The following IL1RAPL1 variants were observed in gnomAD, a reference collection of about 807,000 sequenced individuals.
IL1RAPL1 encodes interleukin-1 receptor accessory protein-like 1.
A neutral mutation model predicts 48.4 loss-of-function variants in IL1RAPL1; 3 were observed. The observed-to-expected ratio is 0.06, with a 90% confidence interval of 0.03 to 0.16. IL1RAPL1 has a LOEUF of 0.16. IL1RAPL1 is among the 10% of genes least tolerant of loss of function. The pLI is 1.00. For synonymous variants in IL1RAPL1, 185 were observed against 187.7 expected (o/e 0.99, Z 0.12); for missense variants, 349 against 530.6 (o/e 0.66, Z 3.36).
At chrX:29,081,749 A>C (rs1927849000) in intron 2 of IL1RAPL1, among the ~76,000 whole-genome samples, 1 of 110,766 alleles carries the variant, frequency 9.0e-6, no homozygotes, top group Admixed American at 9.8e-5. Flanking sequence ...TGAAAATATT[A>C]TTGCTCTGGT....
At chrX:28,838,751 T>C (rs1307537579) in intron 2 of IL1RAPL1, among the ~76,000 whole-genome samples, 1 of 110,909 alleles carries the variant, frequency 9.0e-6, no homozygotes, top group Non-Finnish European at 1.9e-5. Flanking sequence ...CTAAATAGTA[T>C]CTGCTGTTAT....
intron 2 of IL1RAPL1, among the ~76,000 whole-genome samples, chrX:29,133,434 T>C (rs749312598): frequency 1.8e-5 from 2 of 111,811 alleles, no homozygotes; most frequent in African/African-American, 6.5e-5. Context: ...GGTCTTAAAC[T>C]ATCAGCCTGG....
chrX:29,544,973 C>G (rs151317888), intron 5 of IL1RAPL1, among the ~76,000 whole-genome samples: 1 of 110,122 alleles, frequency 9.1e-6, no homozygotes, highest in East Asian at 2.9e-4. Flanking sequence ...GAGGAAGCAC[C>G]AGGAGGAGGC....
chrX:29,906,354 A>AAC lies in IL1RAPL1; in HGVS notation c.779-11109_779-11108insCA, dbSNP rs201803964. 6.5e-3 allele frequency among the ~76,000 whole-genome samples: 458 copies of AAC among 70,857 alleles called. 10 individuals are homozygous for AAC. Among genetic ancestry groups the AAC allele is most frequent in the African/African-American group, 0.026 (440 of 16,999 alleles). 61.5% of individuals were successfully genotyped at this position (70,857 alleles called of 115,157 possible). On this transcript the variant is annotated intron_variant, in intron 6 of 10. Transcript: ENST00000378993. ...TGTCTCAAAAAAACAAACAAACAACAAAAAAAAAAACATAAAAAAGCAGGA... is the reference window on the plus strand; with the variant it reads ...TGTCTCAAAAAAACAAACAAACAACAACAAAAAAAAAACATAAAAAAGCAGGA...
chrX:29,866,572 C>T (rs569217273), intron 6 of IL1RAPL1, among the ~76,000 whole-genome samples: 1 of 108,590 alleles, frequency 9.2e-6, no homozygotes, highest in African/African-American at 3.4e-5. Context: ...AAATATTTGA[C>T]GTGGTGTTAG....
At chrX:29,841,749 G>A (rs764971989) in intron 6 of IL1RAPL1, among the ~76,000 whole-genome samples, 16 of 111,692 alleles carry the variant, frequency 1.4e-4, no homozygotes, top group Non-Finnish European at 2.3e-4. Flanking sequence ...AGGAGGAATG[G>A]AAGTGGCTTC....
chrX:29,080,936 C>T (rs867182354), intron 2 of IL1RAPL1, among the ~76,000 whole-genome samples: 1 of 29,888 alleles, frequency 3.3e-5, no homozygotes, highest in Admixed American at 4.7e-4. Flanking sequence ...TTCTTTCTTT[C>T]TTTCTTTCTT....
chrX:28,592,049 A>G (rs967963567), intron 1 of IL1RAPL1, among the ~76,000 whole-genome samples: 7 of 111,743 alleles, frequency 6.3e-5, no homozygotes, highest in African/African-American at 2.3e-4. Flanking sequence ...AGTTAGCTGT[A>G]CATAATACTG....
At chrX:29,791,463 G>A (rs1267763320) in intron 6 of IL1RAPL1, among the ~76,000 whole-genome samples, 1 of 97,118 alleles carries the variant, frequency 1.0e-5, no homozygotes, top group Admixed American at 1.1e-4. Context: ...TGCTCTTGTT[G>A]CCCAGGCTGG....
intron 1 of IL1RAPL1, among the ~76,000 whole-genome samples, chrX:28,640,085 G>C (rs1934514952): frequency 9.0e-6 from 1 of 111,565 alleles, no homozygotes; most frequent in Admixed American, 9.5e-5. Flanking sequence ...ACATATAGTG[G>C]CCATCATAGC....
Position 28,717,634 on chromosome X carries a change from C to T in IL1RAPL1, c.-24-71686C>T, listed in dbSNP as rs1935519683. On this transcript the variant is annotated intron_variant, in intron 1 of 10. Transcript: ENST00000378993. The stretch of plus-strand genomic sequence containing the variant: ...CCTATGTTACAAAGCTACACATGTA[C>T]TCCTGAACTTAAAATAAAAGAATAA... Among the ~76,000 whole-genome samples, 3 of 111,546 alleles carry T rather than the reference C, an allele frequency of 2.7e-5. No individual in the cohort carries two copies. In the South Asian group the frequency reaches 1.1e-3, roughly 42 times the overall value.
intron 6 of IL1RAPL1, among the ~76,000 whole-genome samples, chrX:29,735,525 A>G (rs1928022045): frequency 2.7e-5 from 3 of 111,702 alleles, no homozygotes; most frequent in Admixed American, 1.9e-4. Flanking sequence ...CTACTCAAAC[A>G]AGCTGACCCC....
intron 1 of IL1RAPL1, among the ~76,000 whole-genome samples, chrX:28,691,193 A>G (rs769287863): frequency 1.8e-5 from 2 of 109,969 alleles, no homozygotes; most frequent in South Asian, 4.0e-4. Flanking sequence ...ATGCCATCTT[A>G]CTCTCTGAAT....
intron 1 of IL1RAPL1, among the ~76,000 whole-genome samples, chrX:28,731,964 C>CGCTACAG (rs1286131017): frequency 4.5e-5 from 5 of 111,331 alleles, no homozygotes; most frequent in Admixed American, 9.6e-5. Flanking sequence ...ATCAAAGCGA[C>CGCTACAG]GCTACAGGCA....
chrX:29,299,869 G>A lies in IL1RAPL1; in HGVS notation c.362+16652G>A, dbSNP rs771947526. On this transcript the variant is annotated intron_variant, in intron 3 of 10. Coordinates refer to ENST00000378993, the MANE Select transcript of IL1RAPL1 (RefSeq NM_014271.4). ...TGGAGGTCAGGTGTTACTAATGGGA[G>A]TTTGAGTAATGCGGGTGTGTCCTTC... is the stretch of plus-strand genomic sequence containing the variant. 3.6e-5 allele frequency among the ~76,000 whole-genome samples: 4 copies of A among 112,415 alleles called. No individual in the cohort carries two copies. The Admixed American group carries it at 3.8e-4, about 11-fold the overall frequency.
At chrX:29,575,968 C>T (rs1297871374) in intron 5 of IL1RAPL1, among the ~76,000 whole-genome samples, 1 of 112,202 alleles carries the variant, frequency 8.9e-6, no homozygotes, top group African/African-American at 3.2e-5. Flanking sequence ...ATGGCAACAG[C>T]GCCTATCATA....
chrX:29,306,148 T>C (rs1196356866), intron 3 of IL1RAPL1, among the ~76,000 whole-genome samples: 1 of 111,889 alleles, frequency 8.9e-6, no homozygotes, highest in Non-Finnish European at 1.9e-5. Flanking sequence ...ACTACCTACG[T>C]TGTAGTCTAA....
At chrX:28,732,576 G>A (rs906639564) in intron 1 of IL1RAPL1, among the ~76,000 whole-genome samples, 1 of 112,029 alleles carries the variant, frequency 8.9e-6, no homozygotes, top group Non-Finnish European at 1.9e-5. Context: ...AGTAGTTTAA[G>A]CATTCTTTCT....
chrX:28,798,904 T>G (rs905641143), intron 2 of IL1RAPL1, among the ~76,000 whole-genome samples: 1 of 111,695 alleles, frequency 9.0e-6, no homozygotes, highest in Non-Finnish European at 1.9e-5. Context: ...TAGTGATGCT[T>G]TGGATCTTAA....
Sources: gnomAD v4.1 joint callset for allele counts (sites outside exome capture counted in the v4.1 genomes callset) on GRCh38, gnomAD v4.1.1 for gene constraint, MANE v1.5 for transcripts, NCBI Gene and HGNC (gene_info 2026-07-23, HGNC 2026-07-21) for gene names.